ENTREP2: variants seen among roughly 807,000 people sequenced by gnomAD.
The protein encoded by ENTREP2 is endosomal transmembrane epsin interactor 2.
At chr15:29,351,092 T>C in the ENTREP2 span, among the ~76,000 whole-genome samples, 5 of 152,324 alleles carry the variant, frequency 3.3e-5, no homozygotes, top group South Asian at 6.2e-4. Flanking sequence ...AACTTCATCA[T>C]TGTGCAAACC....
the ENTREP2 span, among the ~76,000 whole-genome samples, chr15:29,608,693 A>G: frequency 6.6e-6 from 1 of 151,818 alleles, no homozygotes; most frequent in South Asian, 2.1e-4. Context: ...CAGCCTCCCG[A>G]GTAGCTGGGA....
the ENTREP2 span, among the ~76,000 whole-genome samples, chr15:29,401,039 T>C: frequency 1.3e-5 from 2 of 152,200 alleles, no homozygotes; most frequent in Non-Finnish European, 2.9e-5. Flanking sequence ...GGCCCCGGAA[T>C]GGACAGATGG....
the ENTREP2 span, among the ~76,000 whole-genome samples, chr15:29,439,168 T>C: frequency 2.0e-5 from 3 of 152,144 alleles, no homozygotes; most frequent in East Asian, 3.9e-4. Flanking sequence ...CTCTGAGCTA[T>C]GGGAGGACAT....
chr15:29,162,049 A>G, the ENTREP2 span, among the ~76,000 whole-genome samples: 5 of 152,192 alleles, frequency 3.3e-5, no homozygotes, highest in African/African-American at 1.2e-4. Flanking sequence ...CGCCCACTGG[A>G]GAAAAGGAAG....
At chr15:29,371,420 C>G in the ENTREP2 span, among the ~76,000 whole-genome samples, 1 of 151,074 alleles carries the variant, frequency 6.6e-6, no homozygotes, top group Non-Finnish European at 1.5e-5. Flanking sequence ...AACTTTCTAC[C>G]TTCATTAACA....
At chr15:29,259,923 T>C in the ENTREP2 span, among the ~76,000 whole-genome samples, 1 of 152,198 alleles carries the variant, frequency 6.6e-6, no homozygotes, top group Non-Finnish European at 1.5e-5. Flanking sequence ...CGGGCTCTTT[T>C]CCATAGTGTA....
At chr15:29,206,584 C>G in the ENTREP2 span, among the ~76,000 whole-genome samples, 1 of 152,048 alleles carries the variant, frequency 6.6e-6, no homozygotes, top group Non-Finnish European at 1.5e-5. Context: ...ACATCCAGAA[C>G]AGAAAAACCC....
At chr15:29,600,489 C>CA in the ENTREP2 span, among the ~76,000 whole-genome samples, 3 of 140,524 alleles carry the variant, frequency 2.1e-5, no homozygotes, top group Non-Finnish European at 4.9e-5. Context: ...TCATCGTCAT[C>CA]TCATCATCAT....
the ENTREP2 span, chr15:29,126,597 G>C: frequency 1.0e-6 from 1 of 963,838 alleles, no homozygotes; most frequent in Non-Finnish European, 1.6e-6. Flanking sequence ...TGAAACCCTG[G>C]GGGTGCGGAA....
the ENTREP2 span, among the ~76,000 whole-genome samples, chr15:29,572,764 C>T: frequency 6.6e-6 from 1 of 152,026 alleles, no homozygotes; most frequent in Non-Finnish European, 1.5e-5. Context: ...AGAGAACTTT[C>T]GGTCTAGTGG....
At chr15:29,147,292 T>C in the ENTREP2 span, among the ~76,000 whole-genome samples, 4 of 152,230 alleles carry the variant, frequency 2.6e-5, no homozygotes, top group African/African-American at 7.2e-5. Flanking sequence ...CATGAAAGTA[T>C]GTTCACCATC....
chr15:29,379,257 T>A, the ENTREP2 span, among the ~76,000 whole-genome samples: 1 of 152,192 alleles, frequency 6.6e-6, no homozygotes, highest in African/African-American at 2.4e-5. Context: ...CTCTATTCCC[T>A]TTCACTGACT....
chr15:29,590,188 G>GT, the ENTREP2 span, among the ~76,000 whole-genome samples: 38 of 152,272 alleles, frequency 2.5e-4, no homozygotes, highest in South Asian at 7.5e-3. Flanking sequence ...GGTTCCCTGA[G>GT]TGTTCTCTTG....
At chr15:29,646,625 A>C in the ENTREP2 span, among the ~76,000 whole-genome samples, 11 of 152,202 alleles carry the variant, frequency 7.2e-5, no homozygotes, top group Admixed American at 2.0e-4. Flanking sequence ...AGGCTCACAC[A>C]GATAATCTCA....
chr15:29,619,110 T>C, the ENTREP2 span, among the ~76,000 whole-genome samples: 1 of 152,152 alleles, frequency 6.6e-6, no homozygotes, highest in Non-Finnish European at 1.5e-5. Flanking sequence ...TTTGCATGCA[T>C]GGCTGGGCGC....
At chr15:29,533,647 T>C in the ENTREP2 span, among the ~76,000 whole-genome samples, 1 of 152,134 alleles carries the variant, frequency 6.6e-6, no homozygotes, top group African/African-American at 2.4e-5. Flanking sequence ...AGGTCCATTG[T>C]AGAGGCCCTG....
the ENTREP2 span, among the ~76,000 whole-genome samples, chr15:29,674,474 T>C: frequency 1.3e-5 from 2 of 152,088 alleles, no homozygotes; most frequent in African/African-American, 4.8e-5. Flanking sequence ...TTCACCATGT[T>C]GGCCAGGATG....
chr15:29,421,729 T>C, the ENTREP2 span, among the ~76,000 whole-genome samples: 3 of 152,192 alleles, frequency 2.0e-5, no homozygotes, highest in Non-Finnish European at 4.4e-5. Flanking sequence ...TACATTTAAC[T>C]TCTTTTAATA....
chr15:29,473,208 C>G, the ENTREP2 span, among the ~76,000 whole-genome samples: 1 of 152,202 alleles, frequency 6.6e-6, no homozygotes, highest in South Asian at 2.1e-4. Context: ...CTTGCAGCCA[C>G]ACCATACCCA....
Sources: allele counts gnomAD v4.1 joint callset (sites outside exome capture counted in the v4.1 genomes callset), GRCh38; gene constraint gnomAD v4.1.1; transcripts MANE v1.5; gene names NCBI Gene and HGNC (gene_info 2026-07-23, HGNC 2026-07-21).